Variants in ZDHHC14 observed in about 807,000 individuals in gnomAD.
ZDHHC14 encodes palmitoyltransferase ZDHHC14.
ZDHHC14 carries 16 observed loss-of-function variants against 47.7 expected under a neutral mutation model. That is an observed-to-expected ratio of 0.34 (90% CI 0.23 to 0.51). The LOEUF (loss-of-function observed/expected upper bound fraction) is 0.51. Among genes scored for constraint, ZDHHC14 ranks in the 20% least tolerant of loss-of-function variants. ZDHHC14 has a pLI of 0.97. For missense variants in ZDHHC14, 515 were observed against 662.5 expected (o/e 0.78, Z 2.44); for synonymous variants, 293 against 278.9 (o/e 1.05, Z -0.50).
intron 5 of ZDHHC14, among the ~76,000 whole-genome samples, chr6:157,641,500 A>G (rs1777248305): frequency 6.6e-6 from 1 of 152,138 alleles, no homozygotes. Context: ...ATTTTTTCTT[A>G]TCACAATGTA....
At chr6:157,462,566 G>C (rs1779115552) in intron 1 of ZDHHC14, among the ~76,000 whole-genome samples, 1 of 152,204 alleles carries the variant, frequency 6.6e-6, no homozygotes, top group South Asian at 2.1e-4. Flanking sequence ...TTTTGGGTTA[G>C]GCAAAGAAAT....
In ZDHHC14 at chr6:157,420,438, AG is replaced by A. The variant is rs1226233070; in HGVS notation, c.245+38176del. 4.0e-5 allele frequency among the ~76,000 whole-genome samples: 6 copies of A among 149,418 alleles called. No individual in the cohort carries two copies. In the East Asian group the frequency reaches 1.2e-3, roughly 31 times the overall value. On this transcript the variant is annotated intron_variant, in intron 1 of 8. Coordinates refer to ENST00000359775, the MANE Select transcript of ZDHHC14 (RefSeq NM_024630.3). ...GAAGGAGAGAAGGTATAGTCATTGA[AG>A]GGGTGGGCTGAATCGAGGCACTAAT...
chr6:157,446,995 C>T (rs1292687029), intron 1 of ZDHHC14, among the ~76,000 whole-genome samples: 2 of 151,828 alleles, frequency 1.3e-5, no homozygotes, highest in Admixed American at 6.6e-5. Flanking sequence ...GGCACATGCC[C>T]GTACTCCCAG....
chr6:157,495,819 C>CT (rs765458230), intron 1 of ZDHHC14, among the ~76,000 whole-genome samples: 2 of 151,110 alleles, frequency 1.3e-5, no homozygotes, highest in Non-Finnish European at 2.9e-5. Flanking sequence ...ATCCTCCCAC[C>CT]TAACCCCACC....
At chr6:157,589,268 C>G (rs942371039) in intron 2 of ZDHHC14, among the ~76,000 whole-genome samples, 1 of 152,104 alleles carries the variant, frequency 6.6e-6, no homozygotes, top group African/African-American at 2.4e-5. Flanking sequence ...GAGAAATCCA[C>G]CCCCATGATC....
intron 1 of ZDHHC14, among the ~76,000 whole-genome samples, chr6:157,495,695 ATTTTTTT>A (rs71027341): frequency 7.7e-4 from 80 of 104,350 alleles, no homozygotes; most frequent in African/African-American, 2.0e-3. Flanking sequence ...TTCGGGTTGA[ATTTTTTT>A]TTTTTTTTTT....
At chr6:157,598,329 A>G (rs1784211798) in intron 3 of ZDHHC14, among the ~76,000 whole-genome samples, 1 of 152,144 alleles carries the variant, frequency 6.6e-6, no homozygotes, top group Non-Finnish European at 1.5e-5. Flanking sequence ...AGGGGAGTGG[A>G]GGGAGCTGAG....
At chr6:157,641,057 G>C (rs1230307130) in intron 5 of ZDHHC14, among the ~76,000 whole-genome samples, 1 of 152,120 alleles carries the variant, frequency 6.6e-6, no homozygotes, top group Non-Finnish European at 1.5e-5. Flanking sequence ...ATATTTCCTG[G>C]AGATGTTTCC....
rs972167578 is a variant in ZDHHC14, at chr6:157,676,390, G to C, written c.*3268G>C. On this transcript the variant is annotated 3_prime_UTR_variant, in exon 9 of 9. Transcript: ENST00000359775. ...TGTTCTGGCCCAGAATGGCACAAGGGAGGAGTCTTTGCAGAGTTCCACGCC... is the reference window on the plus strand; with the variant it reads ...TGTTCTGGCCCAGAATGGCACAAGGCAGGAGTCTTTGCAGAGTTCCACGCC... 12 of 152,420 alleles carry C rather than the reference G, an allele frequency of 7.9e-5. No homozygotes were observed. The highest frequency in any genetic ancestry group is 2.7e-4 in the African/African-American group (11 of 41,478). 9.4% of individuals were successfully genotyped at this position (152,420 alleles called of 1,614,324 possible).
chr6:157,616,732 C>T (rs191101906), intron 3 of ZDHHC14, among the ~76,000 whole-genome samples: 299 of 152,250 alleles, frequency 2.0e-3, no homozygotes, highest in Non-Finnish European at 3.5e-3. Context: ...ATCAGACGTC[C>T]GGGTGCAGGG....
chr6:157,560,597 T>C (rs1782670435), intron 2 of ZDHHC14, among the ~76,000 whole-genome samples: 1 of 152,242 alleles, frequency 6.6e-6, no homozygotes, highest in Non-Finnish European at 1.5e-5. Context: ...TTTTAGTTTT[T>C]TTCTCTGTAC....
chr6:157,584,813 T>C (rs1783629763), intron 2 of ZDHHC14, among the ~76,000 whole-genome samples: 1 of 152,206 alleles, frequency 6.6e-6, no homozygotes, highest in South Asian at 2.1e-4. Context: ...TCTGTCTCCA[T>C]GCCAGCAACG....
intron 5 of ZDHHC14, among the ~76,000 whole-genome samples, chr6:157,639,559 C>T (rs1299623902): frequency 6.6e-6 from 1 of 152,200 alleles, no homozygotes; most frequent in African/African-American, 2.4e-5. Flanking sequence ...ACCTCGGCCT[C>T]CCAAAGTGCT....
chr6:157,478,470 A>G (rs1404916730), intron 1 of ZDHHC14, among the ~76,000 whole-genome samples: 1 of 152,210 alleles, frequency 6.6e-6, no homozygotes, highest in Non-Finnish European at 1.5e-5. Context: ...CCAGGTTCAG[A>G]TTTAAGACTT....
At chr6:157,631,303 T>C (rs1785726648) in intron 4 of ZDHHC14, 1 of 152,264 alleles carries the variant, frequency 6.6e-6, no homozygotes, top group African/African-American at 2.4e-5. Context: ...CCATAGTCTA[T>C]ACTTAAATAC....
At chr6:157,493,806 A>G (rs1028183280) in intron 1 of ZDHHC14, among the ~76,000 whole-genome samples, 6 of 152,320 alleles carry the variant, frequency 3.9e-5, no homozygotes, top group African/African-American at 1.4e-4. Context: ...CACACAGGTG[A>G]CACAATCCCC....
intron 2 of ZDHHC14, among the ~76,000 whole-genome samples, chr6:157,566,165 T>C (rs542523490): frequency 2.0e-5 from 3 of 152,272 alleles, no homozygotes; most frequent in African/African-American, 7.2e-5. Context: ...CACCATGGCA[T>C]TGGCTTTTGA....
chr6:157,653,561 G>A lies in ZDHHC14; in HGVS notation c.1002G>A (p.Thr334=), dbSNP rs1365782403. ...GAAGAGGGTACATCCAGCCCGACACGCCGCAGCCAGCAGCACCCTCCAATG... is the reference window on the plus strand; with the variant it reads ...GAAGAGGGTACATCCAGCCCGACACACCGCAGCCAGCAGCACCCTCCAATG... ...IDRRGYIQPD[T]PQPAAPSNGI... is the part of the protein sequence containing the mutation. Residue 334 remains threonine, a synonymous_variant, in exon 8 of 9, where the codon ACG becomes ACA. Coordinates refer to ENST00000359775, the MANE Select transcript of ZDHHC14 (RefSeq NM_024630.3). 9.9e-6 allele frequency: 16 copies of A among 1,613,728 alleles called. No individual in the cohort carries two copies. Among genetic ancestry groups the A allele is most frequent in the Middle Eastern group, 1.6e-4 (1 of 6,084 alleles).
At chr6:157,477,272 C>T (rs913724728) in intron 1 of ZDHHC14, among the ~76,000 whole-genome samples, 1 of 152,102 alleles carries the variant, frequency 6.6e-6, no homozygotes, top group Non-Finnish European at 1.5e-5. Context: ...CGCAGCTACT[C>T]GAGAGGCAGA....
Sources: allele counts gnomAD v4.1 joint callset (sites outside exome capture counted in the v4.1 genomes callset), GRCh38; gene constraint gnomAD v4.1.1; transcripts MANE v1.5; gene names NCBI Gene and HGNC (gene_info 2026-07-23, HGNC 2026-07-21).